CPNE4: variants seen among roughly 807,000 people sequenced by gnomAD.
CPNE4 encodes the protein copine-4.
A neutral mutation model predicts 67.9 loss-of-function variants in CPNE4; 25 were observed. That is an observed-to-expected ratio of 0.37 (90% confidence interval 0.27 to 0.51). CPNE4 has a LOEUF of 0.51. CPNE4 is among the 20% of genes least tolerant of loss of function. CPNE4 has a pLI of 0.93. For missense variants in CPNE4, 464 were observed against 690.8 expected (o/e 0.67, Z 3.68); for synonymous variants, 242 against 244.9 (o/e 0.99, Z 0.11).
intron 5 of CPNE4, among the ~76,000 whole-genome samples, chr3:131,687,741 A>G (rs1273570668): frequency 6.6e-6 from 1 of 152,234 alleles, no homozygotes; most frequent in Non-Finnish European, 1.5e-5. Flanking sequence ...ATGTTAAGAT[A>G]TAAGGACAGA....
chr3:131,838,247 C>G (rs1298863619), intron 2 of CPNE4, among the ~76,000 whole-genome samples: 1 of 151,878 alleles, frequency 6.6e-6, no homozygotes, highest in Non-Finnish European at 1.5e-5. Flanking sequence ...CATGTTGACT[C>G]TTTCTATGCA....
intron 2 of CPNE4, among the ~76,000 whole-genome samples, chr3:131,854,207 T>C (rs770330255): frequency 2.6e-5 from 4 of 151,876 alleles, no homozygotes; most frequent in Non-Finnish European, 5.9e-5. Flanking sequence ...TGGGCCACAC[T>C]ATGGATATTT....
At chr3:131,597,239 A>T (rs750693234) in intron 7 of CPNE4, among the ~76,000 whole-genome samples, 1 of 152,026 alleles carries the variant, frequency 6.6e-6, no homozygotes, top group Non-Finnish European at 1.5e-5. Flanking sequence ...GTTCTCACTC[A>T]TAAGTAGGAG....
chr3:131,845,467 A>G (rs1288735910), intron 2 of CPNE4, among the ~76,000 whole-genome samples: 2 of 152,224 alleles, frequency 1.3e-5, no homozygotes, highest in East Asian at 3.8e-4. Context: ...CAGAATTTAT[A>G]CTGCTCACCC....
chr3:131,824,701 G>T (rs944744132), intron 2 of CPNE4, among the ~76,000 whole-genome samples: 9 of 152,136 alleles, frequency 5.9e-5, no homozygotes, highest in Admixed American at 3.9e-4. Context: ...AAAGTTAGTT[G>T]GGGTGTCTGT....
intron 1 of CPNE4, among the ~76,000 whole-genome samples, chr3:131,945,607 C>T (rs1336011812): frequency 6.6e-6 from 1 of 152,182 alleles, no homozygotes; most frequent in African/African-American, 2.4e-5. Flanking sequence ...CAACCTTCTT[C>T]CTTCCTCTCT....
intron 7 of CPNE4, among the ~76,000 whole-genome samples, chr3:131,632,183 T>C (rs958423619): frequency 6.6e-6 from 1 of 151,850 alleles, no homozygotes; most frequent in Non-Finnish European, 1.5e-5. Context: ...CTAATTTTTG[T>C]ATTTTCAGTA....
intron 2 of CPNE4, among the ~76,000 whole-genome samples, chr3:131,901,313 GCATTCTAAATTATCATTACACTTA>G (rs2088544269): frequency 6.6e-6 from 1 of 152,076 alleles, no homozygotes; most frequent in East Asian, 1.9e-4. Context: ...AAGATGGAAA[GCATTCTAAATTATCATTACACTTA>G]ACTGTCACCA....
intron 3 of CPNE4, among the ~76,000 whole-genome samples, chr3:131,701,207 A>T (rs541665340): frequency 6.6e-6 from 1 of 151,926 alleles, no homozygotes; most frequent in Middle Eastern, 3.2e-3. Context: ...ACCAACCTGC[A>T]TGTTGTGCAC....
intron 2 of CPNE4, among the ~76,000 whole-genome samples, chr3:131,808,228 A>G (rs1391221852): frequency 6.6e-6 from 1 of 152,208 alleles, no homozygotes; most frequent in Admixed American, 6.5e-5. Context: ...GCAAGAAAAA[A>G]TCCCACTCAC....
chr3:131,650,744 C>CAAAAAAAAAAAA lies in CPNE4; in HGVS notation c.681+18919_681+18930dup, dbSNP rs141219633. Among the ~76,000 whole-genome samples the CAAAAAAAAAAAA allele has an allele frequency of 1.1e-3, 66 of 61,196 alleles. 1 individual carries two copies. Among genetic ancestry groups the CAAAAAAAAAAAA allele is most frequent in the African/African-American group, 2.6e-3 (30 of 11,526 alleles). 40.1% of individuals were successfully genotyped at this position (61,196 alleles called of 152,430 possible). On this transcript the variant is annotated intron_variant, in intron 7 of 15. Transcript: ENST00000429747. ...TGGGGGACAGAGCAAGACTCCGTCTCAAAAAAAAAAAAAAAAAAAAAAAAA... is the reference window on the plus strand; with the variant it reads ...TGGGGGACAGAGCAAGACTCCGTCTCAAAAAAAAAAAAAAAAAAAAAAAAAAAAAAAAAAAAA...
intron 1 of CPNE4, among the ~76,000 whole-genome samples, chr3:131,971,431 A>G (rs2072499160): frequency 6.6e-6 from 1 of 152,214 alleles, no homozygotes; most frequent in African/African-American, 2.4e-5. Context: ...TTTTTATACC[A>G]TAGAACCACA....
At chr3:131,792,432 C>G in intron 2 of CPNE4, among the ~76,000 whole-genome samples, 1 of 151,332 alleles carries the variant, frequency 6.6e-6, no homozygotes, top group East Asian at 2.0e-4. Flanking sequence ...TCCACATTTG[C>G]TCTTGAAGAA....
At position 131,989,165 on chromosome 3, in the gene CPNE4, T is replaced by C. The variant is rs2073121196; in HGVS notation, c.-2+45402A>G. Among the ~76,000 whole-genome samples the C allele has an allele frequency of 3.3e-5, 5 of 152,366 alleles. No homozygotes were observed. The South Asian group carries it at 1.0e-3, about 32-fold the overall frequency. ...GTGCCACACAAAGGGTGGCAGATGA[T>C]GAACATGACCTCTAGGAGATAAGAA... On this transcript the variant is annotated intron_variant, in intron 1 of 15. Coordinates refer to ENST00000429747, the MANE Select transcript of CPNE4 (RefSeq NM_130808.3).
chr3:131,714,174 A>G (rs1489591115), intron 3 of CPNE4, among the ~76,000 whole-genome samples: 3 of 152,166 alleles, frequency 2.0e-5, no homozygotes, highest in African/African-American at 4.8e-5. Context: ...TGGGCATTAC[A>G]TTGAGTTTGG....
chr3:131,899,830 G>T (rs923176776), intron 2 of CPNE4, among the ~76,000 whole-genome samples: 1 of 152,026 alleles, frequency 6.6e-6, no homozygotes, highest in African/African-American at 2.4e-5. Context: ...TTGTTATTTT[G>T]AGTTTTATCC....
At chr3:131,709,157 A>G (rs541796077) in intron 3 of CPNE4, among the ~76,000 whole-genome samples, 40 of 151,636 alleles carry the variant, frequency 2.6e-4, no homozygotes, top group African/African-American at 9.2e-4. Flanking sequence ...TTATCTCTCA[A>G]TGGTGGTGAT....
At chr3:131,802,241 C>G (rs2084158839) in intron 2 of CPNE4, among the ~76,000 whole-genome samples, 1 of 152,132 alleles carries the variant, frequency 6.6e-6, no homozygotes, top group Non-Finnish European at 1.5e-5. Flanking sequence ...TACTCCTTGT[C>G]CAGTCTCTTA....
At chr3:131,565,323 GA>G (rs1306182256) in intron 10 of CPNE4, among the ~76,000 whole-genome samples, 1 of 151,968 alleles carries the variant, frequency 6.6e-6, no homozygotes, top group Non-Finnish European at 1.5e-5. Flanking sequence ...GGGTAGAGTA[GA>G]ATACATTCAT....
Sources: allele counts gnomAD v4.1 joint callset (sites outside exome capture counted in the v4.1 genomes callset), GRCh38; gene constraint gnomAD v4.1.1; transcripts MANE v1.5; gene names NCBI Gene and HGNC (gene_info 2026-07-23, HGNC 2026-07-21).